Variants in PTPRD observed in about 807,000 individuals in gnomAD.
PTPRD encodes protein tyrosine phosphatase receptor type D.
Under a neutral mutation model 214.5 loss-of-function variants are expected in PTPRD, and 34 were observed. The ratio of observed to expected loss-of-function variants is 0.16; its 90% CI spans 0.12 to 0.21. The LOEUF is 0.21. PTPRD is among the 10% of genes least tolerant of loss of function. PTPRD has a pLI of 1.00. For missense variants in PTPRD, 2,545 were observed against 2,398.7 expected, an observed-to-expected ratio of 1.06 and a Z score of -1.27; for synonymous variants, 1,128 against 845.7, an observed-to-expected ratio of 1.33 and a Z score of -5.79.
At chr9:8,440,609 G>C (rs542261438) in intron 34 of PTPRD, among the ~76,000 whole-genome samples, 1 of 152,314 alleles carries the variant, frequency 6.6e-6, no homozygotes, top group East Asian at 1.9e-4. Flanking sequence ...CGCTGCGCCC[G>C]ACCCATAAAT....
At chr9:9,694,208 C>T (rs1481171487) in intron 7 of PTPRD, among the ~76,000 whole-genome samples, 3 of 152,010 alleles carry the variant, frequency 2.0e-5, no homozygotes, top group African/African-American at 7.2e-5. Flanking sequence ...TTGTATTCTT[C>T]ACCATCTGGG....
intron 14 of PTPRD, among the ~76,000 whole-genome samples, chr9:8,564,147 C>T (rs1385178673): frequency 8.5e-5 from 2 of 23,572 alleles, no homozygotes; most frequent in Non-Finnish European, 1.5e-4. Flanking sequence ...GGAGGATAAG[C>T]AACCAATACA....
intron 3 of PTPRD, among the ~76,000 whole-genome samples, chr9:10,162,278 A>T (rs1337528748): frequency 6.6e-6 from 1 of 151,646 alleles, no homozygotes. Context: ...CAAAAAAAAT[A>T]AAAATTGAAT....
chr9:8,427,986 G>T (rs971000045), intron 35 of PTPRD, among the ~76,000 whole-genome samples: 1 of 152,124 alleles, frequency 6.6e-6, no homozygotes, highest in African/African-American at 2.4e-5. Context: ...AAGCATGTAT[G>T]TGTTTGTTTT....
chr9:10,482,185 C>G (rs141413347), intron 2 of PTPRD, among the ~76,000 whole-genome samples: 101 of 152,094 alleles, frequency 6.6e-4, no homozygotes, highest in African/African-American at 2.0e-3. Flanking sequence ...GCCCGGCTAA[C>G]ACAGTGAAAC....
At chr9:10,051,881 A>G (rs984443935) in intron 3 of PTPRD, among the ~76,000 whole-genome samples, 3 of 152,190 alleles carry the variant, frequency 2.0e-5, no homozygotes, top group African/African-American at 7.2e-5. Context: ...TCAAATTCAC[A>G]TATTAGTTAA....
At position 8,857,294 on chromosome 9, in the gene PTPRD, C is replaced by T. The variant is rs192859587; in HGVS notation, c.-103-123348G>A. Among the ~76,000 whole-genome samples the T allele has an allele frequency of 1.4e-3, 213 of 152,268 alleles. 1 individual carries two copies. Among genetic ancestry groups the T allele is most frequent in the African/African-American group, 4.9e-3 (204 of 41,554 alleles). ...AGGATCCCTGGGTAAGGGTGGATTG[C>T]CCCACCGCTCCACCATTTGCCCCCA... On this transcript the variant is annotated intron_variant, in intron 11 of 45. Coordinates refer to ENST00000381196, the MANE Select transcript of PTPRD (RefSeq NM_002839.4).
intron 9 of PTPRD, among the ~76,000 whole-genome samples, chr9:9,211,561 G>C (rs933735690): frequency 4.5e-5 from 6 of 133,074 alleles, no homozygotes; most frequent in African/African-American, 1.6e-4. Flanking sequence ...ACACACACAA[G>C]AGCTAAGGTT....
intron 9 of PTPRD, among the ~76,000 whole-genome samples, chr9:9,369,078 A>G (rs1348889952): frequency 6.6e-6 from 1 of 152,044 alleles, no homozygotes; most frequent in Non-Finnish European, 1.5e-5. Flanking sequence ...ATGTCCCTAC[A>G]AAGGACATGA....
intron 44 of PTPRD, among the ~76,000 whole-genome samples, chr9:8,330,898 ATTAGT>A (rs1839909211): frequency 1.3e-5 from 2 of 150,518 alleles, no homozygotes; most frequent in East Asian, 3.9e-4. Context: ...CCTAAAATAT[ATTAGT>A]TTAAATAAAA....
intron 39 of PTPRD, among the ~76,000 whole-genome samples, chr9:8,345,568 C>T (rs945953493): frequency 6.6e-6 from 1 of 151,978 alleles, no homozygotes; most frequent in Non-Finnish European, 1.5e-5. Context: ...ATCAGATACT[C>T]CCTTGGGGTT....
chr9:9,513,694 C>A (rs542506151), intron 8 of PTPRD, among the ~76,000 whole-genome samples: 1 of 151,818 alleles, frequency 6.6e-6, no homozygotes, highest in South Asian at 2.1e-4. Context: ...ACATGAAGAA[C>A]TGAAGTAAAC....
chr9:8,434,805 T>C (rs1359477776), intron 35 of PTPRD, among the ~76,000 whole-genome samples: 1 of 151,586 alleles, frequency 6.6e-6, no homozygotes, highest in Non-Finnish European at 1.5e-5. Flanking sequence ...ATTTGCCTTA[T>C]TTTCTCTAAA....
chr9:9,371,038 A>G (rs1225493110), intron 9 of PTPRD, among the ~76,000 whole-genome samples: 2 of 152,106 alleles, frequency 1.3e-5, no homozygotes, highest in Middle Eastern at 3.4e-3. Context: ...GGATTTTTGC[A>G]TCAATATTCA....
At chr9:8,883,497 G>C (rs1334516815) in intron 11 of PTPRD, among the ~76,000 whole-genome samples, 1 of 152,202 alleles carries the variant, frequency 6.6e-6, no homozygotes, top group Non-Finnish European at 1.5e-5. Context: ...AAAGGGCACA[G>C]ATGACAATTT....
intron 10 of PTPRD, among the ~76,000 whole-genome samples, chr9:9,153,173 G>A (rs538506950): frequency 6.6e-6 from 1 of 152,314 alleles, no homozygotes; most frequent in East Asian, 1.9e-4. Context: ...CAGTTTTAAA[G>A]TAAGCTTGAT....
chr9:10,343,303 G>A (rs1037953212), intron 2 of PTPRD, among the ~76,000 whole-genome samples: 1 of 152,080 alleles, frequency 6.6e-6, no homozygotes, highest in Non-Finnish European at 1.5e-5. Flanking sequence ...CAAAGGACAT[G>A]AACTCATCCT....
intron 2 of PTPRD, among the ~76,000 whole-genome samples, chr9:10,415,900 AAG>A (rs2098482512): frequency 6.6e-6 from 1 of 151,918 alleles, no homozygotes; most frequent in African/African-American, 2.4e-5. Context: ...AGCGGAGAGA[AAG>A]AAATCCAGAG....
In PTPRD at chr9:9,827,980, C is replaced by T. The variant is rs1467397755; in HGVS notation, c.-367-61129G>A. Among the ~76,000 whole-genome samples the T allele has an allele frequency of 5.3e-5, 8 of 152,068 alleles. No individual in the cohort carries two copies. The East Asian group carries it at 7.7e-4, about 15-fold the overall frequency. ...TACAATCTCACACCAGTTAGAATGG[C>T]GATCGTTAAAAAGTCAGGAAACAAC... On this transcript the variant is annotated intron_variant, in intron 5 of 45. Coordinates refer to ENST00000381196, the MANE Select transcript of PTPRD (RefSeq NM_002839.4).
Sources: allele counts gnomAD v4.1 joint callset (sites outside exome capture counted in the v4.1 genomes callset), GRCh38; gene constraint gnomAD v4.1.1; transcripts MANE v1.5; gene names NCBI Gene and HGNC (gene_info 2026-07-23, HGNC 2026-07-21).